NBEA: variants seen among roughly 807,000 people sequenced by gnomAD.
NBEA encodes neurobeachin.
NBEA carries 44 observed loss-of-function variants against 343.4 expected under a neutral mutation model. That is an observed-to-expected ratio of 0.13 (90% CI 0.10 to 0.16). NBEA has a LOEUF of 0.16. Ranked by LOEUF, NBEA falls within the 10% of genes least tolerant of loss-of-function variation. The pLI, the probability that NBEA is intolerant of heterozygous loss-of-function variation, is 1.00. For missense variants in NBEA, 2,555 were observed against 3,631.3 expected, an observed-to-expected ratio of 0.70 and a Z score of 7.62; for synonymous variants, 1,175 against 1,238.7, an observed-to-expected ratio of 0.95 and a Z score of 1.08.
At chr13:35,140,735 C>G (rs578238437) in intron 17 of NBEA, among the ~76,000 whole-genome samples, 1 of 152,000 alleles carries the variant, frequency 6.6e-6, no homozygotes, top group African/African-American at 2.4e-5. Context: ...ATGAATGGTA[C>G]GGACATAAAT....
chr13:35,104,356 C>A (rs868009160), intron 11 of NBEA, among the ~76,000 whole-genome samples: 30 of 151,898 alleles, frequency 2.0e-4, no homozygotes, highest in African/African-American at 6.3e-4. Flanking sequence ...TACTAATTTT[C>A]TGCCTCCTTC....
At chr13:35,102,531 C>T (rs2065697073) in intron 11 of NBEA, among the ~76,000 whole-genome samples, 1 of 151,562 alleles carries the variant, frequency 6.6e-6, no homozygotes, top group Non-Finnish European at 1.5e-5. Flanking sequence ...TATTCTTTTA[C>T]TAATTGAGAT....
intron 41 of NBEA, among the ~76,000 whole-genome samples, chr13:35,506,125 C>T (rs1031740437): frequency 2.0e-5 from 3 of 152,210 alleles, no homozygotes; most frequent in Admixed American, 6.5e-5. Context: ...TGTGGTGGCA[C>T]GATCTTAGCT....
At chr13:35,621,883 T>A (rs1054733027) in intron 48 of NBEA, among the ~76,000 whole-genome samples, 2 of 152,174 alleles carry the variant, frequency 1.3e-5, no homozygotes, top group African/African-American at 2.4e-5. Flanking sequence ...ACATTCTAAT[T>A]GAGGATATAG....
intron 10 of NBEA, among the ~76,000 whole-genome samples, chr13:35,088,210 A>G (rs1055179026): frequency 3.3e-5 from 5 of 151,936 alleles, no homozygotes; most frequent in African/African-American, 7.2e-5. Flanking sequence ...TCAGTGAGCA[A>G]TTGGATATTG....
At chr13:35,220,400 C>T (rs1026382152) in intron 33 of NBEA, among the ~76,000 whole-genome samples, 5 of 152,094 alleles carry the variant, frequency 3.3e-5, no homozygotes, top group African/African-American at 9.7e-5. Context: ...GCAGGTTTGC[C>T]TGTCATGAAT....
intron 39 of NBEA, among the ~76,000 whole-genome samples, chr13:35,445,168 G>GT (rs1175137854): frequency 6.6e-6 from 1 of 152,084 alleles, no homozygotes; most frequent in African/African-American, 2.4e-5. Flanking sequence ...TTTATCTTGA[G>GT]TTTTTTAATC....
At chr13:35,121,288 G>T (rs1281647804) in intron 16 of NBEA, among the ~76,000 whole-genome samples, 1 of 151,734 alleles carries the variant, frequency 6.6e-6, no homozygotes, top group Non-Finnish European at 1.5e-5. Context: ...TTGTATTTTG[G>T]TAGAGACAGG....
intron 41 of NBEA, among the ~76,000 whole-genome samples, chr13:35,501,160 A>G (rs2076873114): frequency 6.6e-6 from 1 of 152,060 alleles, no homozygotes; most frequent in Admixed American, 6.6e-5. Context: ...GTATCATGAG[A>G]GTTTTCATAG....
intron 36 of NBEA, among the ~76,000 whole-genome samples, chr13:35,343,569 G>T (rs911913123): frequency 7.2e-5 from 11 of 152,056 alleles, no homozygotes; most frequent in Non-Finnish European, 1.6e-4. Context: ...ACAGTAGCGG[G>T]TGAATGACTT....
chr13:35,096,472 A>C (rs2152635573), intron 10 of NBEA, among the ~76,000 whole-genome samples: 1 of 152,022 alleles, frequency 6.6e-6, no homozygotes, highest in Non-Finnish European at 1.5e-5. Context: ...TCTGACATAA[A>C]AGAATGAGAA....
At chr13:35,618,494 T>G (rs2082839039) in intron 48 of NBEA, among the ~76,000 whole-genome samples, 1 of 151,374 alleles carries the variant, frequency 6.6e-6, no homozygotes, top group South Asian at 2.1e-4. Context: ...TGGTTAGAAT[T>G]GTTTGTTTTG....
intron 10 of NBEA, among the ~76,000 whole-genome samples, chr13:35,081,399 A>G (rs1447235178): frequency 1.3e-5 from 2 of 152,178 alleles, no homozygotes; most frequent in Admixed American, 6.6e-5. Context: ...TAAATTTTAT[A>G]TGACAGCTTT....
chr13:35,565,680 GC>G (rs919292883), intron 44 of NBEA, among the ~76,000 whole-genome samples: 1 of 152,088 alleles, frequency 6.6e-6, no homozygotes, highest in African/African-American at 2.4e-5. Context: ...TTCTTTAATA[GC>G]TATTCTCTTA....
rs1731501991 is a variant in NBEA at position 35,346,459 on chromosome 13, C to T, written c.5904-2649C>T. Among the ~76,000 whole-genome samples the T allele has an allele frequency of 2.0e-5, 3 of 152,036 alleles. No individual in the cohort carries two copies. The South Asian group carries it at 6.2e-4, about 31-fold the overall frequency. ...TCTTTTTTAGCTTCTTTTAATTTTC[C>T]ATTTCCCTCAGTGATTAAGACTGTA... On this transcript the variant is annotated intron_variant, in intron 36 of 58. Coordinates refer to ENST00000379939, the MANE Select transcript of NBEA (RefSeq NM_001385012.1).
At chr13:35,163,807 TTAGCAGTA>T (rs1337431826) in intron 23 of NBEA, among the ~76,000 whole-genome samples, 2 of 152,102 alleles carry the variant, frequency 1.3e-5, no homozygotes, top group Non-Finnish European at 2.9e-5. Context: ...TGTCACTTCT[TTAGCAGTA>T]TACATTTCAA....
At chr13:35,442,329 G>A (rs570031658) in intron 39 of NBEA, among the ~76,000 whole-genome samples, 14 of 151,858 alleles carry the variant, frequency 9.2e-5, no homozygotes, top group African/African-American at 1.5e-4. Context: ...GTTTTATTAC[G>A]TTTTTTTACA....
At chr13:35,023,522 T>C (rs1314852932) in intron 1 of NBEA, among the ~76,000 whole-genome samples, 1 of 152,168 alleles carries the variant, frequency 6.6e-6, no homozygotes, top group East Asian at 1.9e-4. Flanking sequence ...GAGGGTAGTA[T>C]TAATTTTGAA....
At chr13:35,559,446 C>G (rs1470672024) in intron 44 of NBEA, among the ~76,000 whole-genome samples, 1 of 152,016 alleles carries the variant, frequency 6.6e-6, no homozygotes, top group Non-Finnish European at 1.5e-5. Flanking sequence ...TAAGATTTAT[C>G]ATTTCTAGAT....
Sources: allele counts gnomAD v4.1 joint callset (sites outside exome capture counted in the v4.1 genomes callset), GRCh38; gene constraint gnomAD v4.1.1; transcripts MANE v1.5; gene names NCBI Gene and HGNC (gene_info 2026-07-23, HGNC 2026-07-21).